Variants in SGIP1 observed in about 807,000 individuals in gnomAD.
The protein encoded by SGIP1 is SH3GL interacting endocytic adaptor 1.
SGIP1 carries 38 observed loss-of-function variants against 107.5 expected under a neutral mutation model. That is an observed-to-expected ratio of 0.35 (90% CI 0.27 to 0.46). SGIP1 has a LOEUF of 0.46. Ranked by LOEUF, SGIP1 falls within the 20% of genes least tolerant of loss-of-function variation. SGIP1 has a pLI of 1.00. For synonymous variants in SGIP1, 365 were observed against 366.1 expected (o/e 1.00, Z 0.03); for missense variants, 929 against 1,019.5 (o/e 0.91, Z 1.21).
intron 1 of SGIP1, among the ~76,000 whole-genome samples, chr1:66,624,898 G>C (rs2072233283): frequency 6.6e-6 from 1 of 152,204 alleles, no homozygotes; most frequent in African/African-American, 2.4e-5. Flanking sequence ...GAGAAGTACA[G>C]AAGAACCAAG....
intron 14 of SGIP1, 30 bp downstream of exon 14, chr1:66,679,782 G>A (rs2086246178): frequency 6.4e-7 from 1 of 1,568,374 alleles, no homozygotes; most frequent in Middle Eastern, 1.7e-4. Context: ...GTTCTGGGAT[G>A]ATGTGTCAAA....
chr1:66,709,960 C>T (rs543276366), intron 18 of SGIP1, among the ~76,000 whole-genome samples: 50 of 151,926 alleles, frequency 3.3e-4, no homozygotes, highest in Non-Finnish European at 6.5e-4. Context: ...ATGCAGCATG[C>T]ACACACACAA....
At chr1:66,612,404 C>T (rs1258582934) in intron 1 of SGIP1, among the ~76,000 whole-genome samples, 2 of 152,192 alleles carry the variant, frequency 1.3e-5, no homozygotes, top group African/African-American at 2.4e-5. Flanking sequence ...GGAAAGCATA[C>T]TGTTGGATGG....
chr1:66,543,648 A>T (rs1245034687), intron 1 of SGIP1, among the ~76,000 whole-genome samples: 4 of 152,158 alleles, frequency 2.6e-5, no homozygotes. Flanking sequence ...CAATGTGACC[A>T]TTTATAGCTC....
chr1:66,543,049 A>G (rs2055382109), intron 1 of SGIP1, among the ~76,000 whole-genome samples: 1 of 152,220 alleles, frequency 6.6e-6, no homozygotes, highest in Non-Finnish European at 1.5e-5. Context: ...AGTTAATTTT[A>G]TTATCAGGTC....
At chr1:66,677,695 G>C (rs763569275) in intron 13 of SGIP1, among the ~76,000 whole-genome samples, 3 of 152,200 alleles carry the variant, frequency 2.0e-5, no homozygotes, top group Non-Finnish European at 4.4e-5. Flanking sequence ...GTTCACCGGT[G>C]GTGGGTTGGG....
chr1:66,686,390 G>A (rs1342823960), intron 15 of SGIP1, among the ~76,000 whole-genome samples: 2 of 152,166 alleles, frequency 1.3e-5, no homozygotes, highest in African/African-American at 4.8e-5. Context: ...ACAAAACTCA[G>A]TGTATTTTGG....
At chr1:66,722,852 G>A (rs1043870846) in intron 19 of SGIP1, among the ~76,000 whole-genome samples, 1 of 152,018 alleles carries the variant, frequency 6.6e-6, no homozygotes, top group Non-Finnish European at 1.5e-5. Flanking sequence ...TGATGTCTGC[G>A]GCCTTGGCAT....
At chr1:66,664,433 C>T (rs566345512) in intron 8 of SGIP1, among the ~76,000 whole-genome samples, 5 of 152,208 alleles carry the variant, frequency 3.3e-5, no homozygotes, top group East Asian at 3.9e-4. Flanking sequence ...CACTCCTGGA[C>T]GTTAATCACA....
At chr1:66,622,435 C>T (rs542210083) in intron 1 of SGIP1, among the ~76,000 whole-genome samples, 23 of 152,292 alleles carry the variant, frequency 1.5e-4, no homozygotes, top group Non-Finnish European at 1.6e-4. Flanking sequence ...TCACTATCAT[C>T]GATTTCCACA....
chr1:66,566,121 A>G (rs1334373457), intron 1 of SGIP1, among the ~76,000 whole-genome samples: 6 of 152,052 alleles, frequency 3.9e-5, no homozygotes, highest in African/African-American at 1.4e-4. Context: ...CCATTCCGCT[A>G]GAATATGTTG....
Position 66,750,037 on chromosome 1 carries a change from GTGT to G in SGIP1, c.*6943_*6945del, listed in dbSNP as rs1335994151. Among the ~76,000 whole-genome samples, 2,136 of 80,614 alleles carry G rather than the reference GTGT, an allele frequency of 0.026. 54 individuals carry two copies. The highest frequency in any genetic ancestry group is 0.09 in the African/African-American group (2,011 of 22,338). 52.9% of individuals were successfully genotyped at this position (80,614 alleles called of 152,430 possible). A position where few individuals can be genotyped will look rare whatever the true frequency, so the allele number is the denominator to read the frequency against. On this transcript the variant is annotated 3_prime_UTR_variant, in exon 25 of 25. Transcript: ENST00000371037. ...TCTCTTTCTCTGTGTGTGTGTGGGG[GTGT>G]GTGTGTGTGTGTGTGTGTGTGTGTG...
At chr1:66,603,612 T>C (rs1410135849) in intron 1 of SGIP1, among the ~76,000 whole-genome samples, 1 of 152,112 alleles carries the variant, frequency 6.6e-6, no homozygotes, top group East Asian at 1.9e-4. Context: ...ATGAAACACA[T>C]TGAGAGATGC....
At chr1:66,649,565 G>T (rs1377066618) in intron 7 of SGIP1, among the ~76,000 whole-genome samples, 2 of 152,080 alleles carry the variant, frequency 1.3e-5, no homozygotes, top group African/African-American at 2.4e-5. Flanking sequence ...ACAGTTCTGT[G>T]GTTTGCTTGC....
chr1:66,716,551 C>T (rs770642228), intron 18 of SGIP1, among the ~76,000 whole-genome samples: 3 of 152,134 alleles, frequency 2.0e-5, no homozygotes, highest in Non-Finnish European at 4.4e-5. Context: ...AAAATGAAGA[C>T]AATACTTACT....
At chr1:66,667,035 G>C (rs562488371) in intron 8 of SGIP1, 8 of 153,010 alleles carry the variant, frequency 5.2e-5, no homozygotes, top group African/African-American at 1.7e-4. Flanking sequence ...AAAAAATCCA[G>C]ACAAGGAAAA....
At position 66,630,366 on chromosome 1, in the gene SGIP1, A is replaced by G. The variant is rs563707301; in HGVS notation, c.75-2704A>G. On this transcript the variant is annotated intron_variant, in intron 2 of 24. Transcript: ENST00000371037. ...TTGCTGTTCCCAAAGGCATCTCCAC[A>G]TGGATCAGTGCCTCTAAACACATCC... Among the ~76,000 whole-genome samples, 6 of 152,216 alleles carry G rather than the reference A, an allele frequency of 3.9e-5. No individual in the cohort carries two copies. The East Asian group carries it at 9.7e-4, about 25-fold the overall frequency.
intron 21 of SGIP1, among the ~76,000 whole-genome samples, chr1:66,736,987 T>G (rs943888152): frequency 1.3e-5 from 2 of 152,150 alleles, no homozygotes; most frequent in Admixed American, 6.5e-5. Flanking sequence ...ATATATAATA[T>G]GGCATAAATT....
chr1:66,742,907 GA>G (rs1207014266), intron 24 of SGIP1, among the ~76,000 whole-genome samples, 165 bp from the exon 25 acceptor site: 5 of 152,186 alleles, frequency 3.3e-5, no homozygotes, highest in African/African-American at 1.2e-4. Context: ...CTGAAAAACT[GA>G]AAATTGATTT....
Sources: allele counts gnomAD v4.1 joint callset (sites outside exome capture counted in the v4.1 genomes callset), GRCh38; gene constraint gnomAD v4.1.1; transcripts MANE v1.5; gene names NCBI Gene and HGNC (gene_info 2026-07-23, HGNC 2026-07-21).